The following MRC1 variants were observed in gnomAD, a reference collection of about 807,000 sequenced individuals.
The protein encoded by MRC1 is macrophage mannose receptor 1.
MRC1 carries 62 observed loss-of-function variants against 102.9 expected under a neutral mutation model. The observed-to-expected ratio is 0.60, with a 90% CI of 0.49 to 0.74. The LOEUF (loss-of-function observed/expected upper bound fraction) is 0.74, where lower values mean the gene tolerates loss of function less well. Among genes scored for constraint, MRC1 ranks in the 30% least tolerant of loss-of-function variants. MRC1 has a pLI of 0.00. For missense variants in MRC1, 1,237 were observed against 862.8 expected (o/e 1.43, Z -5.43); for synonymous variants, 457 against 298.4 (o/e 1.53, Z -5.48).
chr10:17,849,164 A>C (rs1379615350), intron 6 of MRC1, among the ~76,000 whole-genome samples: 1 of 151,942 alleles, frequency 6.6e-6, no homozygotes, highest in South Asian at 2.1e-4. Context: ...AGCCAAGTAC[A>C]GTGGCTTATG....
Position 17,863,642 on chromosome 10 carries a change from G to C in MRC1, c.1743G>C (p.Glu581Asp). ...QTKGTFQWTIEEEVRFTHWNS... is the reference protein window; with the variant it reads ...QTKGTFQWTIDEEVRFTHWNS... Reference sequence around the variant, plus strand: ...AAGGGACTTTTCAGTGGACCATCGAGGAAGAGGTTCGGTTCACCCACTGGA... The same window carrying C: ...AAGGGACTTTTCAGTGGACCATCGACGAAGAGGTTCGGTTCACCCACTGGA... Residue 581 changes from glutamate (E) to aspartate (D), a missense_variant, in exon 11 of 30, where the codon GAG becomes GAC. By Grantham distance (45) the Glu-to-Asp change is conservative. Coordinates refer to ENST00000569591, the MANE Select transcript of MRC1 (RefSeq NM_002438.4). The C allele has an allele frequency of 2.6e-6, 2 of 780,836 alleles. No homozygotes were observed. The highest frequency in any genetic ancestry group is 4.8e-6 in the Non-Finnish European group (2 of 417,952). 48.4% of individuals were successfully genotyped at this position (780,836 alleles called of 1,614,324 possible).
chr10:17,908,543 A>G (rs499819), intron 28 of MRC1, among the ~76,000 whole-genome samples: 129,513 of 151,914 alleles, frequency 0.85, 55,374 homozygotes, highest in African/African-American at 0.9. Flanking sequence ...ATCCTCTGGT[A>G]CAATGTTGGA....
intron 4 of MRC1, among the ~76,000 whole-genome samples, chr10:17,834,853 T>C (rs1332931979): frequency 6.6e-6 from 1 of 152,188 alleles, no homozygotes; most frequent in Non-Finnish European, 1.5e-5. Flanking sequence ...CAGAAATTAG[T>C]GTGGGAGCAA....
intron 1 of MRC1, among the ~76,000 whole-genome samples, chr10:17,814,299 A>G (rs1396433256): frequency 8.5e-5 from 13 of 152,218 alleles, no homozygotes; most frequent in Non-Finnish European, 1.6e-4. Context: ...ATGTGGTTCA[A>G]AATAACACTA....
In MRC1 at chr10:17,861,370, C is replaced by T. The variant is rs926417207; in HGVS notation, c.1519-17C>T. On this transcript the variant is annotated splice_polypyrimidine_tract_variant and intron_variant, in intron 9 of 29. Transcript: ENST00000569591. ...ATGAACTCTGCTCATTTATTCACTG[C>T]TTGATAACATTAATAGGGCTGGAAA... The T allele has an allele frequency of 7.0e-6, 6 of 860,152 alleles. No homozygotes were observed. The highest frequency in any genetic ancestry group is 6.8e-5 in the Admixed American group (4 of 59,124). The allele number at this position is 860,152 out of a possible 1,614,324, so 53.3% of individuals were successfully genotyped here. A position where few individuals can be genotyped will look rare whatever the true frequency, so the allele number is the denominator to read the frequency against.
chr10:17,906,877 G>A lies in MRC1; in HGVS notation c.3800-9G>A, dbSNP rs1198588472. On this transcript the variant is annotated splice_polypyrimidine_tract_variant and intron_variant, in intron 26 of 29. Transcript: ENST00000569591. The stretch of plus-strand genomic sequence containing the variant: ...GCAGCTATCATATTTATCCTTTTAC[G>A]CTTTCTAGGTTCCTCTCTGGTTTCC... 14 of 781,154 alleles carry A rather than the reference G, an allele frequency of 1.8e-5. No homozygotes were observed. The highest frequency in any genetic ancestry group is 1.2e-4 in the East Asian group (5 of 41,188). The allele number at this position is 781,154 out of a possible 1,614,324, so 48.4% of individuals were successfully genotyped here. A position where few individuals can be genotyped will look rare whatever the true frequency, so the allele number is the denominator to read the frequency against.
chr10:17,877,341 T>C (rs1160112717), intron 17 of MRC1, among the ~76,000 whole-genome samples: 1 of 148,050 alleles, frequency 6.8e-6, no homozygotes, highest in Non-Finnish European at 1.5e-5. Flanking sequence ...ATAGAAAATA[T>C]ATGTAATACA....
intron 28 of MRC1, among the ~76,000 whole-genome samples, chr10:17,907,907 T>C (rs889780440): frequency 4.6e-5 from 7 of 152,342 alleles, no homozygotes; most frequent in African/African-American, 9.6e-5. Context: ...AGCTGTTGTA[T>C]TGATTTTTGT....
At chr10:17,834,463 A>G (rs1838630708) in intron 4 of MRC1, among the ~76,000 whole-genome samples, 1 of 152,138 alleles carries the variant, frequency 6.6e-6, no homozygotes, top group Non-Finnish European at 1.5e-5. Context: ...CCCAGACTGG[A>G]GTGCAATGAC....
chr10:17,847,806 T>C (rs1838847747), intron 6 of MRC1, among the ~76,000 whole-genome samples: 1 of 64,970 alleles, frequency 1.5e-5, no homozygotes. Flanking sequence ...AGTTCATCAT[T>C]TCAGTTTTTG....
intron 1 of MRC1, among the ~76,000 whole-genome samples, chr10:17,822,748 G>T (rs998004913): frequency 6.6e-6 from 1 of 152,026 alleles, no homozygotes; most frequent in African/African-American, 2.4e-5. Flanking sequence ...TTTCTGCCTT[G>T]TATGTTCCAC....
intron 3 of MRC1, among the ~76,000 whole-genome samples, chr10:17,831,009 C>G (rs1343863941): frequency 6.6e-6 from 1 of 150,690 alleles, no homozygotes; most frequent in Non-Finnish European, 1.5e-5. Context: ...CTGCCTCAGC[C>G]TCCTGAGTAG....
intron 29 of MRC1, 30 bp from the exon 30 acceptor site, chr10:17,910,185 G>A (rs1213954546): frequency 1.4e-5 from 11 of 780,154 alleles, no homozygotes; most frequent in South Asian, 2.7e-5. Context: ...CTCCCTCCAC[G>A]TTTTCCATAA....
At chr10:17,813,109 C>A (rs1838250960) in intron 1 of MRC1, among the ~76,000 whole-genome samples, 1 of 152,142 alleles carries the variant, frequency 6.6e-6, no homozygotes, top group South Asian at 2.1e-4. Flanking sequence ...AGATGAAGCA[C>A]CAGGCTCAGG....
Position 17,880,575 on chromosome 10 carries a change from C to A in MRC1, c.2770C>A (p.Arg924=). The change falls in exon 20 of 30, where the codon CGA becomes AGA. Residue 924 remains arginine (R), a synonymous_variant. Transcript: ENST00000569591. ...CGYPNAFICQ[R]HNSSINATTV... is the part of the protein sequence containing the mutation. ...CTATCCAAACGCCTTCATTTGCCAG[C>A]GACATAACAGTAGTATCAATGCTAC... 1 of 780,806 alleles carries A rather than the reference C, an allele frequency of 1.3e-6. No homozygotes were observed. Among genetic ancestry groups the A allele is most frequent in the Non-Finnish European group, 2.4e-6 (1 of 417,946 alleles). The allele number at this position is 780,806 out of a possible 1,614,324, so 48.4% of individuals were successfully genotyped here. A position where few individuals can be genotyped will look rare whatever the true frequency, so the allele number is the denominator to read the frequency against.
chr10:17,820,346 G>C (rs1228358344), intron 1 of MRC1, among the ~76,000 whole-genome samples: 14 of 151,984 alleles, frequency 9.2e-5, no homozygotes, highest in African/African-American at 3.1e-4. Context: ...TCGGGGGATG[G>C]TGGTGCCAAG....
At position 17,910,255 on chromosome 10, in the gene MRC1, C is replaced by A; in HGVS notation, c.4161C>A (p.Asn1387Lys). The change falls in exon 30 of 30, where the codon AAC becomes AAA. Residue 1387 changes from asparagine (N) to lysine (K), a missense_variant. Physicochemically the swap from Asn to Lys is moderately conservative, Grantham distance 94. Coordinates refer to ENST00000569591, the MANE Select transcript of MRC1 (RefSeq NM_002438.4). ...TGGACCCTTCTAAACCGTCTTCCAA[C>A]GTGGCCGGAGTAGTCATCATTGTGA... ...RKMDPSKPSS[N>K]VAGVVIIVIL... 1 of 780,878 alleles carries A rather than the reference C, an allele frequency of 1.3e-6. No homozygotes were observed. The allele number at this position is 780,878 out of a possible 1,614,324, so 48.4% of individuals were successfully genotyped here. A position where few individuals can be genotyped will look rare whatever the true frequency, so the allele number is the denominator to read the frequency against.
chr10:17,828,177 C>T (rs977888969), intron 3 of MRC1, among the ~76,000 whole-genome samples: 24 of 152,122 alleles, frequency 1.6e-4, no homozygotes, highest in African/African-American at 3.4e-4. Context: ...CCCGAGTTCA[C>T]GCCCTTCTCC....
rs1029378737 is a variant in MRC1 at position 17,823,146 on chromosome 10, A to G, written c.134A>G (p.Gln45Arg). Residue 45 changes from glutamine (Q) to arginine (R), a missense_variant, in exon 2 of 30, where the codon CAA (glutamine) becomes CGA (arginine). By Grantham distance (43) the Gln-to-Arg change is conservative. Coordinates refer to ENST00000569591, the MANE Select transcript of MRC1 (RefSeq NM_002438.4). ...GATGCAGTGAGTCCCAGTGCCGTCCAAACCGCAGCTTGCAACCAGGATGCC... is the reference window on the plus strand; with the variant it reads ...GATGCAGTGAGTCCCAGTGCCGTCCGAACCGCAGCTTGCAACCAGGATGCC... Reference protein sequence around the residue: ...CVDAVSPSAVQTAACNQDAES... With the variant: ...CVDAVSPSAVRTAACNQDAES... 2.6e-6 allele frequency: 2 copies of G among 780,794 alleles called. No individual in the cohort carries two copies. The highest frequency in any genetic ancestry group is 3.4e-5 in the African/African-American group (2 of 59,134). 48.4% of individuals were successfully genotyped at this position (780,794 alleles called of 1,614,324 possible). A position where few individuals can be genotyped will look rare whatever the true frequency, so the allele number is the denominator to read the frequency against.
Sources: gnomAD v4.1 joint callset for allele counts (sites outside exome capture counted in the v4.1 genomes callset) on GRCh38, gnomAD v4.1.1 for gene constraint, MANE v1.5 for transcripts, NCBI Gene and HGNC (gene_info 2026-07-23, HGNC 2026-07-21) for gene names.